EXOC6B: variants seen among roughly 807,000 people sequenced by gnomAD.
EXOC6B encodes SEC15 homolog B.
EXOC6B carries 54 observed loss-of-function variants against 113.5 expected under a neutral mutation model. That is an observed-to-expected ratio of 0.48 (90% CI 0.38 to 0.60). The LOEUF (loss-of-function observed/expected upper bound fraction) is 0.60, where lower values mean the gene tolerates loss of function less well. Ranked by LOEUF, EXOC6B falls within the 20% of genes least tolerant of loss-of-function variation. The pLI, the probability that EXOC6B is intolerant of heterozygous loss-of-function variation, is 0.00. For synonymous variants in EXOC6B, 357 were observed against 339.0 expected (o/e 1.05, Z -0.58); for missense variants, 797 against 977.5 (o/e 0.82, Z 2.46).
Position 72,583,534 on chromosome 2 carries a change from G to T in EXOC6B, c.670-7866C>A, listed in dbSNP as rs113419396. Among the ~76,000 whole-genome samples, 799 of 152,240 alleles carry T rather than the reference G, an allele frequency of 5.2e-3. 14 individuals are homozygous for T. The highest frequency in any genetic ancestry group is 0.018 in the African/African-American group (737 of 41,542). On this transcript the variant is annotated intron_variant, in intron 6 of 21. Coordinates refer to ENST00000272427, the MANE Select transcript of EXOC6B (RefSeq NM_015189.3). ...TCAGTAGAAATTTCACAAGACAGGA[G>T]AGATTAGGAAAATATTTTCAGTATT...
chr2:72,771,978 C>T (rs778859081), intron 1 of EXOC6B, among the ~76,000 whole-genome samples: 37 of 152,076 alleles, frequency 2.4e-4, no homozygotes, highest in Non-Finnish European at 4.0e-4. Flanking sequence ...TTCACAGAAA[C>T]ATCAGTTTGA....
chr2:72,522,587 T>C (rs1193424717), intron 8 of EXOC6B, among the ~76,000 whole-genome samples: 1 of 152,222 alleles, frequency 6.6e-6, no homozygotes, highest in Non-Finnish European at 1.5e-5. Context: ...TACTTTTTGA[T>C]GTACTCCCTA....
chr2:72,815,603 A>C (rs1268622351), intron 1 of EXOC6B, among the ~76,000 whole-genome samples: 1 of 152,204 alleles, frequency 6.6e-6, no homozygotes, highest in Non-Finnish European at 1.5e-5. Flanking sequence ...CACTCACAAT[A>C]AGAAAAATAA....
Position 72,541,073 on chromosome 2 carries a change from C to T in EXOC6B, c.915+18380G>A, listed in dbSNP as rs139176283. Among the ~76,000 whole-genome samples the T allele has an allele frequency of 3.6e-3, 550 of 152,194 alleles. 2 individuals are homozygous for T. Among genetic ancestry groups the T allele is most frequent in the African/African-American group, 0.012 (518 of 41,498 alleles). On this transcript the variant is annotated intron_variant, in intron 8 of 21. Coordinates refer to ENST00000272427, the MANE Select transcript of EXOC6B (RefSeq NM_015189.3). ...ATTCCCACCTTTTGTGGGAGGGACCCAGGGGGAGGTAATTGAATCATGGAG... is the reference window on the plus strand; with the variant it reads ...ATTCCCACCTTTTGTGGGAGGGACCTAGGGGGAGGTAATTGAATCATGGAG...
chr2:72,700,237 A>AACACACACACACACACACACACACACAC (rs3034948), intron 6 of EXOC6B, among the ~76,000 whole-genome samples: 14 of 142,414 alleles, frequency 9.8e-5, no homozygotes, highest in African/African-American at 1.9e-4. Context: ...AGACCACAGA[A>AACACACACACACACACACACACACACAC]ACACACACAC....
chr2:72,721,065 A>G lies in EXOC6B; in HGVS notation c.465-2758T>C, dbSNP rs151104595. ...ATTAATAGGCCAGGCGTGGTGGCTC[A>G]TGCCTGTAATTCCAGCACTTTGGGA... is the stretch of plus-strand genomic sequence containing the variant. On this transcript the variant is annotated intron_variant, in intron 5 of 21. Coordinates refer to ENST00000272427, the MANE Select transcript of EXOC6B (RefSeq NM_015189.3). Among the ~76,000 whole-genome samples the G allele has an allele frequency of 7.0e-3, 1,060 of 152,242 alleles. 4 individuals are homozygous for G. Among genetic ancestry groups the G allele is most frequent in the Non-Finnish European group, 0.012 (797 of 67,992 alleles).
chr2:72,677,202 T>C (rs1358650750), intron 6 of EXOC6B, among the ~76,000 whole-genome samples: 5 of 152,008 alleles, frequency 3.3e-5, no homozygotes, highest in African/African-American at 1.2e-4. Flanking sequence ...CTTCCTGTAG[T>C]TGTACACAGA....
chr2:72,735,274 TCACTGTAAAAAATA>T (rs1445361357), intron 2 of EXOC6B, among the ~76,000 whole-genome samples: 1 of 152,128 alleles, frequency 6.6e-6, no homozygotes, highest in Non-Finnish European at 1.5e-5. Flanking sequence ...CACCTTAAAC[TCACTGTAAAAAATA>T]CATTTTCCAT....
intron 20 of EXOC6B, among the ~76,000 whole-genome samples, chr2:72,243,464 A>G (rs1347269083): frequency 6.6e-6 from 1 of 152,110 alleles, no homozygotes; most frequent in East Asian, 1.9e-4. Context: ...GAAGCTGGAA[A>G]CCATCATTCT....
intron 1 of EXOC6B, among the ~76,000 whole-genome samples, chr2:72,816,655 T>C (rs1686265786): frequency 6.6e-6 from 1 of 152,204 alleles, no homozygotes. Context: ...ATTTTCAAAA[T>C]TACAGTAGAT....
chr2:72,373,535 C>T (rs756057140), intron 19 of EXOC6B, among the ~76,000 whole-genome samples: 62 of 151,790 alleles, frequency 4.1e-4, no homozygotes, highest in Non-Finnish European at 6.6e-4. Flanking sequence ...AATTAATAAC[C>T]CAAATATATA....
At chr2:72,767,673 C>T (rs1289106289) in intron 1 of EXOC6B, among the ~76,000 whole-genome samples, 2 of 150,802 alleles carry the variant, frequency 1.3e-5, no homozygotes, top group Non-Finnish European at 3.0e-5. Context: ...GTTAGCTAGG[C>T]ATGGTGGCAT....
rs568000330 is a variant in EXOC6B at position 72,510,398 on chromosome 2, A to T, written c.1167+2734T>A. Among the ~76,000 whole-genome samples the T allele has an allele frequency of 2.3e-3, 348 of 151,840 alleles. 1 individual carries two copies. The highest frequency in any genetic ancestry group is 7.9e-3 in the African/African-American group (326 of 41,488). On this transcript the variant is annotated intron_variant, in intron 11 of 21. Coordinates refer to ENST00000272427, the MANE Select transcript of EXOC6B (RefSeq NM_015189.3). ...TTGCTCTAAGTCCTTACACATAACC[A>T]TGTGTAAGGACATGGTTATAACAGT...
intron 18 of EXOC6B, among the ~76,000 whole-genome samples, chr2:72,425,928 T>C (rs1486349830): frequency 1.3e-5 from 2 of 152,206 alleles, no homozygotes; most frequent in African/African-American, 4.8e-5. Context: ...GTGACATTTT[T>C]CTTAGTCTAG....
chr2:72,182,381 T>C (rs571346281), intron 21 of EXOC6B, among the ~76,000 whole-genome samples: 1 of 152,270 alleles, frequency 6.6e-6, no homozygotes, highest in African/African-American at 2.4e-5. Context: ...GAAGGACACA[T>C]ATGACCATTA....
intron 6 of EXOC6B, among the ~76,000 whole-genome samples, chr2:72,661,316 T>C (rs1415618104): frequency 2.7e-5 from 4 of 150,866 alleles, no homozygotes; most frequent in South Asian, 4.2e-4. Flanking sequence ...AAAAACTAAA[T>C]TGTCCGTACT....
chr2:72,487,592 C>T (rs1451640615), intron 16 of EXOC6B, among the ~76,000 whole-genome samples: 1 of 152,204 alleles, frequency 6.6e-6, no homozygotes, highest in Non-Finnish European at 1.5e-5. Flanking sequence ...AACTCCTGAG[C>T]TCGTGATTCA....
chr2:72,364,468 G>A (rs1303259731), intron 19 of EXOC6B, among the ~76,000 whole-genome samples: 1 of 152,104 alleles, frequency 6.6e-6, no homozygotes, highest in Non-Finnish European at 1.5e-5. Context: ...TTCTAAGTCT[G>A]AAAGGTTATT....
rs1694802111 is a variant in EXOC6B, at chr2:72,420,409, C to T, written c.1981-40539G>A. ...CCTAGCCACACACCCCTAAACAGGCCCCAGTGTGTGATGTTCCCCTCCCTG... is the reference window on the plus strand; with the variant it reads ...CCTAGCCACACACCCCTAAACAGGCTCCAGTGTGTGATGTTCCCCTCCCTG... On this transcript the variant is annotated intron_variant, in intron 18 of 21. Coordinates refer to ENST00000272427, the MANE Select transcript of EXOC6B (RefSeq NM_015189.3). Among the ~76,000 whole-genome samples the T allele has an allele frequency of 2.6e-5, 4 of 152,208 alleles. No individual in the cohort carries two copies. In the South Asian group the frequency reaches 8.3e-4, roughly 32 times the overall value.
Sources: allele counts gnomAD v4.1 joint callset (sites outside exome capture counted in the v4.1 genomes callset), GRCh38; gene constraint gnomAD v4.1.1; transcripts MANE v1.5; gene names NCBI Gene and HGNC (gene_info 2026-07-23, HGNC 2026-07-21).